FAM163A: variants seen among roughly 807,000 people sequenced by gnomAD.
FAM163A encodes family with sequence similarity 163 member A, also known as protein FAM163A.
FAM163A carries 7 observed loss-of-function variants against 12.0 expected under a neutral mutation model. The ratio of observed to expected loss-of-function variants is 0.58; its 90% CI spans 0.33 to 1.10. The LOEUF is 1.10. Ranked by LOEUF, FAM163A falls within the 50% of genes least tolerant of loss-of-function variation. The pLI is 0.03. For missense variants in FAM163A, 202 were observed against 218.6 expected (o/e 0.92, Z 0.48); for synonymous variants, 101 against 91.0 (o/e 1.11, Z -0.62).
chr1:179,791,713 C>T (rs1373326133), intron 1 of FAM163A, among the ~76,000 whole-genome samples: 1 of 152,122 alleles, frequency 6.6e-6, no homozygotes, highest in Non-Finnish European at 1.5e-5. Flanking sequence ...TCATCTGTGG[C>T]CTCCATTTAT....
chr1:179,738,096 G>GA, the FAM163A span, among the ~76,000 whole-genome samples: 1 of 152,164 alleles, frequency 6.6e-6, no homozygotes, highest in East Asian at 1.9e-4. Context: ...AAGTGGAGAG[G>GA]AAGGGAAGGG....
intron 1 of FAM163A, among the ~76,000 whole-genome samples, chr1:179,766,435 T>G (rs1687511276): frequency 6.6e-6 from 1 of 152,332 alleles, no homozygotes; most frequent in South Asian, 2.1e-4. Flanking sequence ...CTCAGTCTAT[T>G]CACATTAGAT....
intron 1 of FAM163A, among the ~76,000 whole-genome samples, chr1:179,752,883 A>G (rs909467499): frequency 1.3e-5 from 2 of 152,166 alleles, no homozygotes; most frequent in Non-Finnish European, 2.9e-5. Flanking sequence ...GGAGAGCAAT[A>G]TGGAGGTTTC....
upstream of FAM163A, among the ~76,000 whole-genome samples, chr1:179,741,115 A>C (rs1462524296): frequency 6.6e-6 from 1 of 152,258 alleles, no homozygotes; most frequent in Non-Finnish European, 1.5e-5. Flanking sequence ...CAGCTCAAAA[A>C]AATGGGCAAA....
At chr1:179,737,271 G>T in the FAM163A span, among the ~76,000 whole-genome samples, 1 of 152,168 alleles carries the variant, frequency 6.6e-6, no homozygotes, top group Admixed American at 6.5e-5. Flanking sequence ...GAAAAATATT[G>T]CATAATTCCA....
At chr1:179,793,771 A>G (rs1691864306) in intron 1 of FAM163A, among the ~76,000 whole-genome samples, 1 of 152,262 alleles carries the variant, frequency 6.6e-6, no homozygotes, top group Non-Finnish European at 1.5e-5. Context: ...CAGCCCTGCC[A>G]CAGGATCTGG....
At chr1:179,775,963 A>G (rs1688909634) in intron 1 of FAM163A, among the ~76,000 whole-genome samples, 1 of 152,198 alleles carries the variant, frequency 6.6e-6, no homozygotes, top group South Asian at 2.1e-4. Flanking sequence ...CTTTGCTATA[A>G]ATTCAACAGC....
chr1:179,810,977 A>G (rs1398215016), intron 2 of FAM163A, among the ~76,000 whole-genome samples: 1 of 152,170 alleles, frequency 6.6e-6, no homozygotes, highest in Non-Finnish European at 1.5e-5. Context: ...CAGCAGGCAG[A>G]GGTTGCAGTG....
chr1:179,771,670 C>T (rs1416864574), intron 1 of FAM163A, among the ~76,000 whole-genome samples: 1 of 152,154 alleles, frequency 6.6e-6, no homozygotes, highest in Non-Finnish European at 1.5e-5. Context: ...TGGCTCTCTG[C>T]TCCCTTTCCT....
At chr1:179,802,858 C>A (rs1693377164) in intron 1 of FAM163A, among the ~76,000 whole-genome samples, 1 of 151,962 alleles carries the variant, frequency 6.6e-6, no homozygotes, top group Admixed American at 6.6e-5. Flanking sequence ...GGGTAAACCA[C>A]CTGCCATTGC....
chr1:179,805,268 AG>A (rs1423866743), intron 1 of FAM163A, among the ~76,000 whole-genome samples: 1 of 152,184 alleles, frequency 6.6e-6, no homozygotes, highest in Non-Finnish European at 1.5e-5. Context: ...CTGTAATCCT[AG>A]TACTTTGGGA....
chr1:179,799,426 T>TA lies in FAM163A; in HGVS notation c.-135-8371dup, dbSNP rs578134125. 2.3e-4 allele frequency among the ~76,000 whole-genome samples: 35 copies of TA among 152,340 alleles called. No homozygotes were observed. In the South Asian group the frequency reaches 6.4e-3, roughly 28 times the overall value. ...CAGGAAAGAGCACTGACTCTGGGGTTAGAAGAGCCAGGGTGGCATGGAGAT... is the reference window on the plus strand; with the variant it reads ...CAGGAAAGAGCACTGACTCTGGGGTTAAGAAGAGCCAGGGTGGCATGGAGAT... On this transcript the variant is annotated intron_variant, in intron 1 of 4. Coordinates refer to ENST00000341785, the MANE Select transcript of FAM163A (RefSeq NM_173509.3).
intron 1 of FAM163A, among the ~76,000 whole-genome samples, chr1:179,752,270 A>C (rs1685381457): frequency 6.6e-6 from 1 of 152,136 alleles, no homozygotes; most frequent in Non-Finnish European, 1.5e-5. Flanking sequence ...ATTGGGCCCC[A>C]ATCTTACATC....
rs1273970601 is a variant in FAM163A at position 179,815,109 on chromosome 1, G to GCGCGCGCA, written c.*921_*922insGCGCGCAC. 2.5e-3 allele frequency: 168 copies of GCGCGCGCA among 67,300 alleles called. 1 individual carries two copies. The highest frequency in any genetic ancestry group is 0.01 in the African/African-American group (162 of 15,846). The allele number at this position is 67,300 out of a possible 1,614,324, so 4.2% of individuals were successfully genotyped here. A position where few individuals can be genotyped will look rare whatever the true frequency, so the allele number is the denominator to read the frequency against. On this transcript the variant is annotated 3_prime_UTR_variant, in exon 5 of 5. Coordinates refer to ENST00000341785, the MANE Select transcript of FAM163A (RefSeq NM_173509.3). Reference sequence around the variant, plus strand: ...CAGGTGTACGCACGCGCGCGCGCGCGCACAGACACACACACACACACACAC... The same window carrying GCGCGCGCA: ...CAGGTGTACGCACGCGCGCGCGCGCGCGCGCGCACACAGACACACACACACACACACAC...
intron 1 of FAM163A, among the ~76,000 whole-genome samples, chr1:179,795,958 CTAT>C (rs56872344): frequency 1.4e-4 from 20 of 146,366 alleles, no homozygotes; most frequent in South Asian, 8.8e-4. Flanking sequence ...GAGTCTTTCT[CTAT>C]TATTATTATT....
intron 2 of FAM163A, among the ~76,000 whole-genome samples, chr1:179,809,388 G>T (rs527899118): frequency 1.3e-5 from 2 of 152,320 alleles, no homozygotes; most frequent in East Asian, 1.9e-4. Context: ...AATCCTACTG[G>T]CAAGGGAGAC....
intron 1 of FAM163A, among the ~76,000 whole-genome samples, chr1:179,753,142 G>A (rs1685519171): frequency 6.6e-6 from 1 of 152,102 alleles, no homozygotes; most frequent in Non-Finnish European, 1.5e-5. Context: ...CCTTTAAAAA[G>A]AAGGAATTCC....
chr1:179,810,363 G>T (rs1413632158), intron 2 of FAM163A, among the ~76,000 whole-genome samples: 1 of 152,120 alleles, frequency 6.6e-6, no homozygotes, highest in Non-Finnish European at 1.5e-5. Context: ...AAGGCCACAC[G>T]CTCCCCTGTC....
intron 1 of FAM163A, among the ~76,000 whole-genome samples, chr1:179,785,979 C>A (rs1411209402): frequency 1.3e-5 from 2 of 152,056 alleles, no homozygotes; most frequent in Non-Finnish European, 2.9e-5. Flanking sequence ...TGGGGAAATG[C>A]TTGAAGTGGA....
Sources: gnomAD v4.1 joint callset for allele counts (sites outside exome capture counted in the v4.1 genomes callset) on GRCh38, gnomAD v4.1.1 for gene constraint, MANE v1.5 for transcripts, NCBI Gene and HGNC (gene_info 2026-07-23, HGNC 2026-07-21) for gene names.